Variants in SNX29 observed in about 807,000 individuals in gnomAD.
SNX29 encodes sorting nexin-29.
A neutral mutation model predicts 102.1 loss-of-function variants in SNX29; 78 were observed. The observed-to-expected ratio is 0.76, with a 90% CI of 0.64 to 0.92. SNX29 has a LOEUF of 0.92. Ranked by LOEUF, SNX29 falls within the 40% of genes least tolerant of loss-of-function variation. The pLI is 0.00. For missense variants in SNX29, 1,280 were observed against 1,061.7 expected (o/e 1.21, Z -2.86); for synonymous variants, 580 against 414.5 (o/e 1.40, Z -4.85).
chr16:12,355,502 G>A (rs940921427), intron 15 of SNX29, among the ~76,000 whole-genome samples: 15 of 152,096 alleles, frequency 9.9e-5, no homozygotes, highest in African/African-American at 3.1e-4. Flanking sequence ...GCCTGACCTC[G>A]CATTCTGGGG....
At chr16:12,254,629 C>T (rs1040771692) in intron 14 of SNX29, among the ~76,000 whole-genome samples, 2 of 151,180 alleles carry the variant, frequency 1.3e-5, no homozygotes, top group Non-Finnish European at 2.9e-5. Context: ...TGACAGAGCA[C>T]CAGAGACTCC....
intron 20 of SNX29, among the ~76,000 whole-genome samples, chr16:12,528,279 A>C (rs2076840206): frequency 6.6e-6 from 1 of 152,144 alleles, no homozygotes; most frequent in Non-Finnish European, 1.5e-5. Context: ...GGCTCACTGC[A>C]ACCTCTACCT....
At chr16:12,517,265 C>G (rs1302937579) in intron 19 of SNX29, among the ~76,000 whole-genome samples, 2 of 152,154 alleles carry the variant, frequency 1.3e-5, no homozygotes, top group East Asian at 3.9e-4. Flanking sequence ...CCTAGGAGCC[C>G]AACCAGAAAA....
At chr16:12,506,592 T>G (rs1408225940) in intron 19 of SNX29, among the ~76,000 whole-genome samples, 3 of 152,240 alleles carry the variant, frequency 2.0e-5, no homozygotes, top group African/African-American at 7.2e-5. Context: ...GCTATTTGAT[T>G]GCCCAAAAAG....
chr16:12,078,916 G>A lies in SNX29; in HGVS notation c.1402+1G>A. Reference sequence around the variant, plus strand: ...TCAGTGCCAGAGTCCATGACAATTAGTAAGTACTTTCGCAGCCCCCTCCAC... The same window carrying A: ...TCAGTGCCAGAGTCCATGACAATTAATAAGTACTTTCGCAGCCCCCTCCAC... On this transcript the variant is annotated splice_donor_variant, in intron 11 of 20. Coordinates refer to ENST00000566228, the MANE Select transcript of SNX29 (RefSeq NM_032167.5). LOFTEE classifies it high-confidence loss of function. The A allele has an allele frequency of 3.1e-6, 5 of 1,599,070 alleles. No homozygotes were observed. The highest frequency in any genetic ancestry group is 4.3e-6 in the Non-Finnish European group (5 of 1,172,914).
At chr16:12,243,043 G>T (rs575564852) in intron 14 of SNX29, among the ~76,000 whole-genome samples, 103 of 152,206 alleles carry the variant, frequency 6.8e-4, no homozygotes, top group Non-Finnish European at 1.4e-3. Flanking sequence ...GGGAGTGGCA[G>T]TTCACATGTC....
chr16:12,424,939 G>A (rs151032831), intron 18 of SNX29, among the ~76,000 whole-genome samples: 39 of 152,306 alleles, frequency 2.6e-4, no homozygotes, highest in African/African-American at 7.9e-4. Context: ...TAACATGCCC[G>A]TCCATAGACA....
chr16:12,412,649 G>A (rs909797619), intron 18 of SNX29, among the ~76,000 whole-genome samples: 8 of 152,216 alleles, frequency 5.3e-5, no homozygotes, highest in African/African-American at 1.7e-4. Context: ...GAGCTCACCT[G>A]TGTGTGCGTG....
At chr16:12,462,840 A>G (rs1014910072) in intron 18 of SNX29, among the ~76,000 whole-genome samples, 2 of 152,234 alleles carry the variant, frequency 1.3e-5, no homozygotes, top group Non-Finnish European at 2.9e-5. Context: ...CTGTTTAGCA[A>G]TGCACATGGC....
intron 15 of SNX29, among the ~76,000 whole-genome samples, chr16:12,324,408 C>T (rs1038572944): frequency 2.0e-5 from 3 of 151,794 alleles, no homozygotes; most frequent in Admixed American, 6.6e-5. Flanking sequence ...TGGAAATGCT[C>T]TTGGCATTTC....
At chr16:12,565,444 C>G (rs991076226) in intron 20 of SNX29, among the ~76,000 whole-genome samples, 12 of 152,084 alleles carry the variant, frequency 7.9e-5, no homozygotes, top group Non-Finnish European at 1.6e-4. Flanking sequence ...CCTCACCTGC[C>G]CCCTCCTCAT....
chr16:12,232,395 C>T (rs983055787), intron 14 of SNX29, among the ~76,000 whole-genome samples: 12 of 152,156 alleles, frequency 7.9e-5, no homozygotes, highest in Non-Finnish European at 1.3e-4. Context: ...GACATAGTGG[C>T]GTGCGCCTGT....
intron 3 of SNX29, among the ~76,000 whole-genome samples, chr16:12,013,923 T>C (rs2056762949): frequency 6.6e-6 from 1 of 151,880 alleles, no homozygotes; most frequent in East Asian, 1.9e-4. Context: ...AGTGCTAGGA[T>C]TACAGGCATA....
chr16:12,519,368 C>T (rs747651459), intron 19 of SNX29, among the ~76,000 whole-genome samples: 1 of 152,180 alleles, frequency 6.6e-6, no homozygotes, highest in African/African-American at 2.4e-5. Flanking sequence ...AAGAGGTGCA[C>T]TGTAACTCGT....
At chr16:12,249,659 C>T (rs1596630248) in intron 14 of SNX29, among the ~76,000 whole-genome samples, 4 of 152,340 alleles carry the variant, frequency 2.6e-5, no homozygotes, top group Middle Eastern at 3.4e-3. Context: ...CTGAGCTTTT[C>T]TGTGTCTCTG....
At chr16:11,994,584 C>G (rs905596042) in intron 1 of SNX29, among the ~76,000 whole-genome samples, 3 of 152,228 alleles carry the variant, frequency 2.0e-5, no homozygotes, top group Admixed American at 6.5e-5. Context: ...GTCTTTTCCT[C>G]TCTGAGTCAC....
intron 20 of SNX29, among the ~76,000 whole-genome samples, chr16:12,541,561 G>A (rs1382724564): frequency 3.9e-5 from 6 of 152,242 alleles, no homozygotes. Flanking sequence ...TTTTCAAGCT[G>A]CCAAATTGCT....
intron 20 of SNX29, among the ~76,000 whole-genome samples, chr16:12,539,804 T>C (rs917977704): frequency 6.6e-6 from 1 of 152,238 alleles, no homozygotes; most frequent in African/African-American, 2.4e-5. Context: ...CATATTTTCA[T>C]GTGGATGTTT....
chr16:12,541,884 G>GT (rs2141258912), intron 20 of SNX29, among the ~76,000 whole-genome samples: 1 of 152,292 alleles, frequency 6.6e-6, no homozygotes, highest in East Asian at 1.9e-4. Flanking sequence ...CTTGATGAAT[G>GT]TTTATGATGA....
Sources: allele counts gnomAD v4.1 joint callset (sites outside exome capture counted in the v4.1 genomes callset), GRCh38; gene constraint gnomAD v4.1.1; transcripts MANE v1.5; gene names NCBI Gene and HGNC (gene_info 2026-07-23, HGNC 2026-07-21).